Variants in NOVA1 observed in about 807,000 individuals in gnomAD.
NOVA1 encodes the protein NOVA alternative splicing regulator 1, also known as RNA-binding protein Nova-1.
NOVA1 carries 7 observed loss-of-function variants against 38.0 expected under a neutral mutation model. The ratio of observed to expected loss-of-function variants is 0.18; its 90% CI spans 0.10 to 0.35. NOVA1 has a LOEUF of 0.35. Ranked by LOEUF, NOVA1 falls within the 10% of genes least tolerant of loss-of-function variation. NOVA1 has a pLI of 1.00. For synonymous variants in NOVA1, 270 were observed against 232.5 expected, an observed-to-expected ratio of 1.16 and a Z score of -1.47; for missense variants, 460 against 616.0, an observed-to-expected ratio of 0.75 and a Z score of 2.68.
chr14:26,519,935 T>C (rs1327241864), intron 2 of NOVA1, among the ~76,000 whole-genome samples: 1 of 152,218 alleles, frequency 6.6e-6, no homozygotes, highest in Non-Finnish European at 1.5e-5. Context: ...TCTGTTGATA[T>C]ACACGTGCAG....
At chr14:26,497,422 C>T (rs1257719559) in intron 2 of NOVA1, among the ~76,000 whole-genome samples, 1 of 152,080 alleles carries the variant, frequency 6.6e-6, no homozygotes, top group African/African-American at 2.4e-5. Context: ...GCATTAAAAT[C>T]CAACGTAAAT....
chr14:26,532,946 G>A (rs1203511514), intron 2 of NOVA1, among the ~76,000 whole-genome samples: 1 of 152,072 alleles, frequency 6.6e-6, no homozygotes, highest in Non-Finnish European at 1.5e-5. Flanking sequence ...TTATTAGAAT[G>A]TCTATTTTTT....
chr14:26,475,165 G>T (rs1884882462), intron 3 of NOVA1, among the ~76,000 whole-genome samples: 1 of 151,980 alleles, frequency 6.6e-6, no homozygotes, highest in African/African-American at 2.4e-5. Flanking sequence ...TGTACAAGTT[G>T]TTTATTTCCT....
At chr14:26,454,068 T>TG (rs563671453) in intron 4 of NOVA1, among the ~76,000 whole-genome samples, 358 of 152,146 alleles carry the variant, frequency 2.4e-3, no homozygotes, top group Non-Finnish European at 3.8e-3. Context: ...AGAACAGGGG[T>TG]GTCCAATTTT....
chr14:26,555,447 C>G (rs1891422984), intron 2 of NOVA1, among the ~76,000 whole-genome samples: 1 of 152,050 alleles, frequency 6.6e-6, no homozygotes, highest in African/African-American at 2.4e-5. Context: ...AATCACTCAT[C>G]ATCCTAAATT....
At chr14:26,542,359 A>G (rs558295638) in intron 2 of NOVA1, among the ~76,000 whole-genome samples, 10 of 151,880 alleles carry the variant, frequency 6.6e-5, no homozygotes, top group Non-Finnish European at 1.5e-4. Flanking sequence ...TTGGTTATCT[A>G]ATTTTTACTT....
intron 2 of NOVA1, among the ~76,000 whole-genome samples, chr14:26,541,040 T>C (rs543183122): frequency 6.9e-4 from 105 of 151,936 alleles, no homozygotes; most frequent in Middle Eastern, 6.8e-3. Context: ...AGAAAAAAAA[T>C]TGGATGATAT....
chr14:26,469,830 G>A (rs1884442091), intron 4 of NOVA1, among the ~76,000 whole-genome samples: 1 of 152,076 alleles, frequency 6.6e-6, no homozygotes, highest in Non-Finnish European at 1.5e-5. Context: ...CAAACTCCTG[G>A]CCTCAAGTGA....
At position 26,448,527 on chromosome 14, in the gene NOVA1, A is replaced by T; in HGVS notation, c.956T>A (p.Leu319His). ...GNDLVAITSA[L>H]NTLASYGYNL... ...ATATCCATAGCTGGCTAATGTATTA[A>T]GTGCAGAGGTGATGGCCACCAGGTC... Residue 319 changes from leucine to histidine, a missense_variant, in exon 5 of 5, where the codon CTT becomes CAT. Physicochemically the swap from Leu to His is moderately conservative, Grantham distance 99. Transcript: ENST00000539517. This position sits in a 1 kb window ranked among gnomAD's most constrained non-coding sequence, Gnocchi z 5.3. 1 of 1,614,198 alleles carries T rather than the reference A, an allele frequency of 6.2e-7. No individual in the cohort carries two copies. Among genetic ancestry groups the T allele is most frequent in the Non-Finnish European group, 8.5e-7 (1 of 1,180,032 alleles).
intron 2 of NOVA1, among the ~76,000 whole-genome samples, chr14:26,506,335 G>T (rs569998342): frequency 1.3e-5 from 2 of 152,246 alleles, no homozygotes; most frequent in East Asian, 3.9e-4. Context: ...GTATTGCTTG[G>T]ATCTGGAGTT....
intron 2 of NOVA1, among the ~76,000 whole-genome samples, chr14:26,550,143 T>C (rs1307533960): frequency 1.3e-5 from 2 of 152,214 alleles, no homozygotes; most frequent in African/African-American, 2.4e-5. Context: ...TAACATTATT[T>C]CTACAGAAAT....
intron 2 of NOVA1, among the ~76,000 whole-genome samples, chr14:26,516,808 T>C (rs573577237): frequency 1.1e-4 from 16 of 152,300 alleles, no homozygotes; most frequent in African/African-American, 3.1e-4. Flanking sequence ...TCTTTAATTA[T>C]GTGTTAAAGA....
At chr14:26,458,813 A>T (rs1418510873) in intron 4 of NOVA1, among the ~76,000 whole-genome samples, 5 of 152,100 alleles carry the variant, frequency 3.3e-5, no homozygotes, top group Admixed American at 6.6e-5. Context: ...TCTAAAATAA[A>T]TGCTGAAAGG....
At chr14:26,548,786 C>T (rs1890984066) in intron 2 of NOVA1, among the ~76,000 whole-genome samples, 1 of 140,946 alleles carries the variant, frequency 7.1e-6, no homozygotes, top group Admixed American at 7.8e-5. Context: ...CTTCTCTTCC[C>T]CACTTTTTTC....
At chr14:26,453,633 C>T (rs1032870460) in intron 4 of NOVA1, among the ~76,000 whole-genome samples, 2 of 152,066 alleles carry the variant, frequency 1.3e-5, no homozygotes, top group Admixed American at 1.3e-4. Context: ...TAAAAACAGA[C>T]ATTAAGATAT....
chr14:26,495,718 C>T (rs1463337326), intron 2 of NOVA1, among the ~76,000 whole-genome samples: 1 of 147,970 alleles, frequency 6.8e-6, no homozygotes, highest in Non-Finnish European at 1.5e-5. Context: ...CATTGTTCAA[C>T]TCCCACCTAT....
intron 2 of NOVA1, among the ~76,000 whole-genome samples, chr14:26,516,311 T>C (rs986137663): frequency 6.6e-6 from 1 of 152,216 alleles, no homozygotes; most frequent in Non-Finnish European, 1.5e-5. Flanking sequence ...ACTTTGTGAC[T>C]TGTCTATTCA....
chr14:26,596,859 C>T (rs150890963), intron 1 of NOVA1: 942 of 1,132,586 alleles, frequency 8.3e-4, no homozygotes, highest in Non-Finnish European at 1.0e-3. Flanking sequence ...GCGCCCCAGT[C>T]ATTCGCAATC....
chr14:26,505,064 A>G (rs1195303417), intron 2 of NOVA1, among the ~76,000 whole-genome samples: 12 of 152,114 alleles, frequency 7.9e-5, no homozygotes, highest in Non-Finnish European at 1.5e-5. Context: ...TACCAGAGAG[A>G]GGCCTGTAGT....
Sources: allele counts gnomAD v4.1 joint callset (sites outside exome capture counted in the v4.1 genomes callset), GRCh38; gene constraint gnomAD v4.1.1; non-coding constraint Gnocchi (gnomAD v3.1); transcripts MANE v1.5; gene names NCBI Gene and HGNC (gene_info 2026-07-23, HGNC 2026-07-21).